Variants in PCDH9 observed in about 807,000 individuals in gnomAD.
PCDH9 encodes the protein protocadherin 9, also known as protocadherin-9.
A neutral mutation model predicts 70.6 loss-of-function variants in PCDH9; 24 were observed. The ratio of observed to expected loss-of-function variants is 0.34; its 90% CI spans 0.25 to 0.48. PCDH9 has a LOEUF of 0.48. PCDH9 is among the 20% of genes least tolerant of loss of function. PCDH9 has a pLI of 0.99. For missense variants in PCDH9, 1,281 were observed against 1,503.6 expected (o/e 0.85, Z 2.45); for synonymous variants, 562 against 558.5 (o/e 1.01, Z -0.09).
intron 2 of PCDH9, among the ~76,000 whole-genome samples, chr13:67,193,602 G>A (rs1193018798): frequency 6.6e-6 from 1 of 152,020 alleles, no homozygotes; most frequent in Non-Finnish European, 1.5e-5. Flanking sequence ...TGAAATAAAT[G>A]TCATATAAAT....
intron 4 of PCDH9, among the ~76,000 whole-genome samples, chr13:66,438,380 C>T (rs1957915799): frequency 6.6e-6 from 1 of 152,086 alleles, no homozygotes; most frequent in Non-Finnish European, 1.5e-5. Context: ...TTTATCTGAA[C>T]AAATTGGGCA....
At position 66,591,289 on chromosome 13, in the gene PCDH9, G is replaced by T. The variant is rs2077036265; in HGVS notation, c.3340+39921C>A. Among the ~76,000 whole-genome samples, 4 of 151,612 alleles carry T rather than the reference G, an allele frequency of 2.6e-5. No homozygotes were observed. In the South Asian group the frequency reaches 6.2e-4, roughly 24 times the overall value. Reference sequence around the variant, plus strand: ...CACAGAATCTCATACACTTTATGCAGCTGTTTTCATGCCAATATTTTGTAA... The same window carrying T: ...CACAGAATCTCATACACTTTATGCATCTGTTTTCATGCCAATATTTTGTAA... On this transcript the variant is annotated intron_variant, in intron 4 of 4. Transcript: ENST00000377865.
intron 2 of PCDH9, among the ~76,000 whole-genome samples, chr13:66,980,038 T>C (rs1193334699): frequency 6.6e-6 from 1 of 152,138 alleles, no homozygotes; most frequent in Non-Finnish European, 1.5e-5. Context: ...TTGTTTCAAA[T>C]ACTATTTATG....
At chr13:66,698,895 C>CTT (rs67333897) in intron 3 of PCDH9, among the ~76,000 whole-genome samples, 2,261 of 58,906 alleles carry the variant, frequency 0.038, no homozygotes, top group Non-Finnish European at 0.045. Flanking sequence ...CTCAATTCCT[C>CTT]TTTTTTTTTT....
intron 4 of PCDH9, among the ~76,000 whole-genome samples, chr13:66,499,099 T>A (rs911994676): frequency 1.3e-5 from 2 of 152,066 alleles, no homozygotes; most frequent in African/African-American, 4.8e-5. Context: ...GAGACAAAAA[T>A]AAAAGCTTAT....
intron 4 of PCDH9, among the ~76,000 whole-genome samples, chr13:66,484,440 G>T (rs923262754): frequency 6.6e-6 from 1 of 152,152 alleles, no homozygotes; most frequent in African/African-American, 2.4e-5. Flanking sequence ...CCGTGCGAGG[G>T]CGATAAAAGA....
intron 3 of PCDH9, among the ~76,000 whole-genome samples, chr13:66,753,954 C>G (rs1321122953): frequency 1.3e-5 from 2 of 152,116 alleles, no homozygotes; most frequent in Admixed American, 1.3e-4. Context: ...GTTAGAAATG[C>G]ATTGATTATT....
At chr13:66,770,525 C>G (rs74672939) in intron 3 of PCDH9, among the ~76,000 whole-genome samples, 2,327 of 152,240 alleles carry the variant, frequency 0.015, 69 homozygotes, top group African/African-American at 0.053. Flanking sequence ...GTAGGCTAAC[C>G]TTTTTAGACA....
intron 4 of PCDH9, among the ~76,000 whole-genome samples, chr13:66,477,043 T>C: frequency 6.6e-6 from 1 of 152,050 alleles, no homozygotes; most frequent in Non-Finnish European, 1.5e-5. Flanking sequence ...ACTTAAACAA[T>C]TAATAAAGCT....
chr13:66,448,634 G>A (rs1360576873), intron 4 of PCDH9, among the ~76,000 whole-genome samples: 1 of 152,102 alleles, frequency 6.6e-6, no homozygotes, highest in Non-Finnish European at 1.5e-5. Flanking sequence ...CAGAAATTGG[G>A]ACAGAGACTT....
intron 2 of PCDH9, among the ~76,000 whole-genome samples, chr13:67,085,526 G>C (rs1019878127): frequency 1.3e-5 from 2 of 152,122 alleles, no homozygotes; most frequent in African/African-American, 2.4e-5. Flanking sequence ...ATAAGCATTG[G>C]AAATTTAATT....
chr13:67,201,389 C>T (rs1454172499), intron 2 of PCDH9: 1 of 151,844 alleles, frequency 6.6e-6, no homozygotes, highest in Admixed American at 6.6e-5. Flanking sequence ...GTACAAAAGT[C>T]CATTTTAATG....
chr13:67,190,430 G>T (rs1333815566), intron 2 of PCDH9, among the ~76,000 whole-genome samples: 1 of 151,056 alleles, frequency 6.6e-6, no homozygotes, highest in Non-Finnish European at 1.5e-5. Context: ...ATTTCACCTA[G>T]ACTTTGATAT....
At chr13:66,463,343 A>G (rs905952619) in intron 4 of PCDH9, among the ~76,000 whole-genome samples, 2 of 151,852 alleles carry the variant, frequency 1.3e-5, no homozygotes, top group Non-Finnish European at 2.9e-5. Context: ...TTGTTCAAGA[A>G]AACAGAATGA....
At chr13:66,771,860 C>T (rs1478265442) in intron 3 of PCDH9, among the ~76,000 whole-genome samples, 1 of 152,098 alleles carries the variant, frequency 6.6e-6, no homozygotes, top group South Asian at 2.1e-4. Context: ...TGAAAAGAGA[C>T]CCTGATAGAC....
chr13:66,992,823 T>G (rs2084030995), intron 2 of PCDH9, among the ~76,000 whole-genome samples: 1 of 151,940 alleles, frequency 6.6e-6, no homozygotes, highest in African/African-American at 2.4e-5. Flanking sequence ...GTATATCATA[T>G]TGTCTATCAG....
intron 2 of PCDH9, among the ~76,000 whole-genome samples, chr13:67,198,973 A>C (rs1288061918): frequency 6.6e-6 from 1 of 151,756 alleles, no homozygotes; most frequent in Non-Finnish European, 1.5e-5. Flanking sequence ...TCAAAAATTT[A>C]AAACAGAAAT....
intron 4 of PCDH9, among the ~76,000 whole-genome samples, chr13:66,313,911 A>T (rs1336778094): frequency 6.6e-6 from 1 of 152,212 alleles, no homozygotes; most frequent in Non-Finnish European, 1.5e-5. Flanking sequence ...ACTTTAAAAG[A>T]TGTCTGAAAG....
At chr13:67,082,643 T>C (rs1263047289) in intron 2 of PCDH9, among the ~76,000 whole-genome samples, 1 of 152,216 alleles carries the variant, frequency 6.6e-6, no homozygotes, top group African/African-American at 2.4e-5. Flanking sequence ...AATTTTTAAA[T>C]CAAAATTGCA....
Sources: allele counts gnomAD v4.1 joint callset (sites outside exome capture counted in the v4.1 genomes callset), GRCh38; gene constraint gnomAD v4.1.1; transcripts MANE v1.5; gene names NCBI Gene and HGNC (gene_info 2026-07-23, HGNC 2026-07-21).